Variants in PIP5K1A observed in about 807,000 individuals in gnomAD.
PIP5K1A encodes phosphatidylinositol 4-phosphate 5-kinase type-1 alpha.
PIP5K1A carries 46 observed loss-of-function variants against 72.9 expected under a neutral mutation model. The ratio of observed to expected loss-of-function variants is 0.63; its 90% CI spans 0.50 to 0.81. The LOEUF (loss-of-function observed/expected upper bound fraction) is 0.81, where lower values mean the gene tolerates loss of function less well. Ranked by LOEUF, PIP5K1A falls within the 30% of genes least tolerant of loss-of-function variation. The probability of loss-of-function intolerance (pLI) is 0.00; values close to 1 mark genes in which losing one functional copy is unlikely to be tolerated. For synonymous variants in PIP5K1A, 228 were observed against 255.1 expected, an observed-to-expected ratio of 0.89 and a Z score of 1.01; for missense variants, 458 against 706.1, an observed-to-expected ratio of 0.65 and a Z score of 3.98.
intron 1 of PIP5K1A, among the ~76,000 whole-genome samples, chr1:151,214,792 C>T (rs994878388): frequency 1.3e-5 from 2 of 152,202 alleles, no homozygotes; most frequent in African/African-American, 2.4e-5. Flanking sequence ...TCTTGGCTCA[C>T]TGCAACCTCT....
chr1:151,220,322 A>G (rs1688240305), intron 1 of PIP5K1A, among the ~76,000 whole-genome samples: 1 of 151,994 alleles, frequency 6.6e-6, no homozygotes, highest in South Asian at 2.1e-4. Context: ...TCTATTTTAA[A>G]AAAGCCAACT....
intron 14 of PIP5K1A, 74 bp from the exon 15 acceptor site, chr1:151,246,846 A>G (rs1200522983): frequency 2.7e-6 from 3 of 1,097,568 alleles, no homozygotes; most frequent in African/African-American, 1.6e-5. Context: ...GCAGTATGAG[A>G]TTTAAAAGGA....
intron 1 of PIP5K1A, among the ~76,000 whole-genome samples, chr1:151,199,348 C>T (rs1280740411): frequency 1.3e-5 from 2 of 152,120 alleles, no homozygotes; most frequent in African/African-American, 4.8e-5. Context: ...CGCGGTGGCT[C>T]ACGCCTGTAA....
upstream of PIP5K1A, among the ~76,000 whole-genome samples, chr1:151,196,550 A>ATTTT (rs5777766): frequency 1.1e-4 from 13 of 114,734 alleles, no homozygotes; most frequent in Admixed American, 3.1e-4. Context: ...ATGCATGGGG[A>ATTTT]TTTTTTTTTT....
At chr1:151,234,132 C>A in intron 7 of PIP5K1A, 65 bp from the exon 8 acceptor site, 1 of 1,273,752 alleles carries the variant, frequency 7.9e-7, no homozygotes, top group Non-Finnish European at 1.1e-6. Context: ...GTAACTTTTA[C>A]TGGTGAGTTT....
rs78155966 is a variant in PIP5K1A at position 151,216,900 on chromosome 1, G to GTTTTTTTTTTTTT, written c.86-7327_86-7315dup. Among the ~76,000 whole-genome samples the GTTTTTTTTTTTTT allele has an allele frequency of 6.6e-5, 9 of 136,790 alleles. 1 individual carries two copies. Among genetic ancestry groups the GTTTTTTTTTTTTT allele is most frequent in the African/African-American group, 2.5e-4 (9 of 36,564 alleles). 89.7% of individuals were successfully genotyped at this position (136,790 alleles called of 152,430 possible). ...ACCCAAGGTTACCTACTTAGTAAAT[G>GTTTTTTTTTTTTT]TTTTTTTTTTTTTTTTTTTTTTTTT... is the stretch of plus-strand genomic sequence containing the variant. On this transcript the variant is annotated intron_variant, in intron 1 of 15. Transcript: ENST00000368888.
At chr1:151,219,078 TA>T (rs2102317993) in intron 1 of PIP5K1A, among the ~76,000 whole-genome samples, 1 of 152,088 alleles carries the variant, frequency 6.6e-6, no homozygotes, top group South Asian at 2.1e-4. Flanking sequence ...TAAGTGGTTT[TA>T]GCTTGAAAAT....
In PIP5K1A at chr1:151,207,554, T is replaced by C. The variant is rs1686107840; in HGVS notation, c.85+8473T>C. On this transcript the variant is annotated intron_variant, in intron 1 of 15. Coordinates refer to ENST00000368888, the MANE Select transcript of PIP5K1A (RefSeq NM_001135638.2). The stretch of plus-strand genomic sequence containing the variant: ...TTAATCTTTTTTTTTTTTTTTGAGA[T>C]GGAGTCTCGCTCTGTCCCTCAGGCT... Among the ~76,000 whole-genome samples the C allele has an allele frequency of 2.7e-5, 4 of 146,438 alleles. No individual in the cohort carries two copies. In the South Asian group the frequency reaches 6.4e-4, roughly 23 times the overall value.
chr1:151,208,357 TTTTC>T (rs1686245311), intron 1 of PIP5K1A, among the ~76,000 whole-genome samples: 1 of 109,342 alleles, frequency 9.1e-6, no homozygotes, highest in African/African-American at 3.4e-5. Context: ...CTTGGTTTTC[TTTTC>T]TTTTTTTTTT....
At chr1:151,205,364 C>T (rs1166476359) in intron 1 of PIP5K1A, among the ~76,000 whole-genome samples, 7 of 151,926 alleles carry the variant, frequency 4.6e-5, no homozygotes, top group Admixed American at 6.6e-5. Flanking sequence ...TTAGTAGAGG[C>T]GGGGTTTCCC....
At chr1:151,220,194 C>T (rs1389276745) in intron 1 of PIP5K1A, among the ~76,000 whole-genome samples, 1 of 151,584 alleles carries the variant, frequency 6.6e-6, no homozygotes, top group Non-Finnish European at 1.5e-5. Context: ...TTAGTAGAGA[C>T]GGGGTTTCAC....
In PIP5K1A at chr1:151,229,311, C is replaced by A. The variant is rs1194056819; in HGVS notation, c.237+1911C>A. Among the ~76,000 whole-genome samples the A allele has an allele frequency of 3.3e-5, 5 of 151,334 alleles. No individual in the cohort carries two copies. In the East Asian group the frequency reaches 9.7e-4, roughly 29 times the overall value. ...CAAGCCATCCTCCTACCTCAGCCTCCAAAGTAACTGGGACTACAGGCCTCA... is the reference window on the plus strand; with the variant it reads ...CAAGCCATCCTCCTACCTCAGCCTCAAAAGTAACTGGGACTACAGGCCTCA... On this transcript the variant is annotated intron_variant, in intron 4 of 15. Transcript: ENST00000368888.
intron 4 of PIP5K1A, among the ~76,000 whole-genome samples, chr1:151,230,011 C>T (rs1689805846): frequency 6.6e-6 from 1 of 152,074 alleles, no homozygotes; most frequent in South Asian, 2.1e-4. Flanking sequence ...TGGTGTCAAC[C>T]AGGGAGGCGG....
chr1:151,241,904 T>C (rs1407926887), intron 12 of PIP5K1A, among the ~76,000 whole-genome samples: 2 of 152,210 alleles, frequency 1.3e-5, no homozygotes, highest in Non-Finnish European at 2.9e-5. Flanking sequence ...TGGATATGTT[T>C]CCTTTCTTCT....
chr1:151,227,775 A>G (rs1184719941), intron 4 of PIP5K1A, among the ~76,000 whole-genome samples: 4 of 152,004 alleles, frequency 2.6e-5, no homozygotes, highest in Non-Finnish European at 4.4e-5. Flanking sequence ...GGTCCCAGCT[A>G]CTCGGGATGT....
upstream of PIP5K1A, chr1:151,198,260 G>A (rs1042414646): frequency 2.8e-6 from 1 of 362,482 alleles, no homozygotes; most frequent in Non-Finnish European, 5.5e-6. Context: ...TACTCCCGCA[G>A]AGAGTTCTTT....
At chr1:151,233,879 C>G (rs1690474109) in intron 7 of PIP5K1A, 1 of 268,834 alleles carries the variant, frequency 3.7e-6, no homozygotes, top group Non-Finnish European at 7.0e-6. Flanking sequence ...ACCTGCCTTA[C>G]CATCCCCAAG....
In PIP5K1A at chr1:151,202,729, A is replaced by G. The variant is rs587606392; in HGVS notation, c.85+3648A>G. Among the ~76,000 whole-genome samples, 9 of 149,848 alleles carry G rather than the reference A, an allele frequency of 6.0e-5. No individual in the cohort carries two copies. The South Asian group carries it at 1.5e-3, about 24-fold the overall frequency. On this transcript the variant is annotated intron_variant, in intron 1 of 15. Coordinates refer to ENST00000368888, the MANE Select transcript of PIP5K1A (RefSeq NM_001135638.2). ...GGTGATCCACCCATCTCGGGCTCCCATAGTGCTGGGATTACAGGCGTGAGC... is the reference window on the plus strand; with the variant it reads ...GGTGATCCACCCATCTCGGGCTCCCGTAGTGCTGGGATTACAGGCGTGAGC...
chr1:151,240,209 C>A (rs1175916784), intron 12 of PIP5K1A, 170 bp downstream of exon 12: 10 of 594,836 alleles, frequency 1.7e-5, no homozygotes, highest in Non-Finnish European at 2.7e-5. Flanking sequence ...CTGTCATAGT[C>A]ATTTCCAAGT....
Sources: allele counts gnomAD v4.1 joint callset (sites outside exome capture counted in the v4.1 genomes callset), GRCh38; gene constraint gnomAD v4.1.1; transcripts MANE v1.5; gene names NCBI Gene and HGNC (gene_info 2026-07-23, HGNC 2026-07-21).